Variants in LMLN observed in about 807,000 individuals in gnomAD.
LMLN encodes the protein leishmanolysin-like peptidase.
Under a neutral mutation model 92.3 loss-of-function variants are expected in LMLN, and 70 were observed. That is an observed-to-expected ratio of 0.76 (90% CI 0.63 to 0.92). The LOEUF is 0.92. Among genes scored for constraint, LMLN ranks in the 40% least tolerant of loss-of-function variants. LMLN has a pLI of 0.00. For synonymous variants in LMLN, 308 were observed against 296.2 expected, an observed-to-expected ratio of 1.04 and a Z score of -0.41; for missense variants, 691 against 814.6, an observed-to-expected ratio of 0.85 and a Z score of 1.85.
intron 1 of LMLN, among the ~76,000 whole-genome samples, chr3:197,972,645 A>G (rs1043005444): frequency 6.6e-6 from 1 of 151,552 alleles, no homozygotes; most frequent in African/African-American, 2.4e-5. Context: ...TTATTAAATA[A>G]TGGACACCAT....
intron 1 of LMLN, 83 bp from the exon 2 acceptor site, chr3:197,974,294 T>C (rs1721307801): frequency 1.4e-6 from 1 of 711,980 alleles, no homozygotes; most frequent in Admixed American, 3.0e-5. Flanking sequence ...ACACTTGAAA[T>C]TTAGTTCATT....
chr3:198,036,388 A>G (rs1723235878), intron 15 of LMLN, among the ~76,000 whole-genome samples: 1 of 152,230 alleles, frequency 6.6e-6, no homozygotes, highest in Non-Finnish European at 1.5e-5. Flanking sequence ...AAGTAATTAA[A>G]TATATTTTAG....
intron 1 of LMLN, among the ~76,000 whole-genome samples, chr3:197,973,366 C>G (rs1017134024): frequency 2.0e-5 from 3 of 152,054 alleles, no homozygotes; most frequent in African/African-American, 7.2e-5. Context: ...CTCACCCTCC[C>G]AAGTAGCTGG....
Position 197,965,416 on chromosome 3 carries a change from A to G in LMLN, c.219+4976A>G, listed in dbSNP as rs567558239. On this transcript the variant is annotated intron_variant, in intron 1 of 15. Coordinates refer to ENST00000330198, the Ensembl canonical transcript of LMLN. ...ATATTCTATAGTTTTTTTTTATTTT[A>G]TTGTTTTAGAGATGGGATCTCAGTA... Among the ~76,000 whole-genome samples the G allele has an allele frequency of 4.5e-4, 68 of 151,058 alleles. 1 individual carries two copies. The highest frequency in any genetic ancestry group is 8.6e-4 in the Admixed American group (13 of 15,140).
chr3:198,021,530 A>G, exon 13 of LMLN: 2 of 1,614,138 alleles, frequency 1.2e-6, no homozygotes, highest in Non-Finnish European at 1.7e-6. Context: ...CTGCCCTTTC[A>G]GTCAGGAATT....
chr3:197,963,274 G>A (rs148612754), intron 1 of LMLN, among the ~76,000 whole-genome samples: 2 of 150,584 alleles, frequency 1.3e-5, no homozygotes, highest in South Asian at 2.1e-4. Flanking sequence ...CAGAATCATA[G>A]CTCACAGCAG....
At chr3:198,006,642 G>A (rs530448673) in intron 11 of LMLN, among the ~76,000 whole-genome samples, 5 of 152,032 alleles carry the variant, frequency 3.3e-5, no homozygotes, top group East Asian at 1.9e-4. Context: ...TTTCCCTAAC[G>A]GCTAATGATG....
At chr3:197,997,894 T>A (rs1372120390) in intron 10 of LMLN, among the ~76,000 whole-genome samples, 5 of 152,246 alleles carry the variant, frequency 3.3e-5, no homozygotes, top group Non-Finnish European at 1.5e-5. Flanking sequence ...ATTTTGTGTT[T>A]TAGAAAATGT....
intron 1 of LMLN, among the ~76,000 whole-genome samples, chr3:197,965,801 C>G (rs1274017885): frequency 6.6e-6 from 1 of 152,078 alleles, no homozygotes; most frequent in Non-Finnish European, 1.5e-5. Flanking sequence ...GTAGTCCCAC[C>G]TACTTGGTGG....
intron 14 of LMLN, among the ~76,000 whole-genome samples, chr3:198,030,024 A>G (rs1334077091): frequency 1.3e-5 from 2 of 151,624 alleles, no homozygotes; most frequent in Non-Finnish European, 2.9e-5. Context: ...TTTTATTTTT[A>G]GTAGAGACAG....
At chr3:197,984,490 C>CTGT (rs1553818504) in intron 7 of LMLN, among the ~76,000 whole-genome samples, 2 of 151,982 alleles carry the variant, frequency 1.3e-5, no homozygotes, top group Non-Finnish European at 2.9e-5. Flanking sequence ...GCTGCTGCTG[C>CTGT]TGCTGTTTGT....
chr3:197,970,479 C>T (rs888595775), intron 1 of LMLN, among the ~76,000 whole-genome samples: 10 of 152,138 alleles, frequency 6.6e-5, no homozygotes, highest in Admixed American at 2.0e-4. Flanking sequence ...CTAGTAGAGT[C>T]ACTTAGGACC....
chr3:197,996,721 T>A (rs189584546), intron 10 of LMLN, among the ~76,000 whole-genome samples: 22 of 152,322 alleles, frequency 1.4e-4, no homozygotes, highest in Non-Finnish European at 2.5e-4. Flanking sequence ...TAAAAAGACA[T>A]CAGATTTTCA....
chr3:197,966,096 G>A (rs1015402657), intron 1 of LMLN, among the ~76,000 whole-genome samples: 4 of 152,162 alleles, frequency 2.6e-5, no homozygotes, highest in African/African-American at 7.2e-5. Flanking sequence ...AGGCTGGAGT[G>A]CAGTGACACA....
chr3:197,989,493 C>T (rs1240192179), intron 8 of LMLN, among the ~76,000 whole-genome samples: 1 of 152,118 alleles, frequency 6.6e-6, no homozygotes, highest in African/African-American at 2.4e-5. Context: ...ATTCTACTTT[C>T]CCACTAAATT....
intron 13 of LMLN, among the ~76,000 whole-genome samples, chr3:198,021,908 A>T (rs532974223): frequency 1.3e-5 from 2 of 152,366 alleles, no homozygotes; most frequent in South Asian, 4.1e-4. Context: ...TATTTTGGTC[A>T]TACCTTCTAG....
Position 197,976,584 on chromosome 3 carries a change from CA to C in LMLN, c.432-11del. On this transcript the variant is annotated splice_polypyrimidine_tract_variant and intron_variant, in intron 4 of 15. Transcript: ENST00000330198. ...TTTTTTGTATTTAAACTTTGATGTA[CA>C]AATGGACTGAAGACAATGTGCAACA... 1 of 1,447,362 alleles carries C rather than the reference CA, an allele frequency of 6.9e-7. No homozygotes were observed. Among genetic ancestry groups the C allele is most frequent in the Non-Finnish European group, 9.5e-7 (1 of 1,052,816 alleles). 89.7% of individuals were successfully genotyped at this position (1,447,362 alleles called of 1,614,324 possible). A position where few individuals can be genotyped will look rare whatever the true frequency, so the allele number is the denominator to read the frequency against.
chr3:198,042,656 T>C lies in LMLN; in HGVS notation c.*3989T>C, dbSNP rs538440202. On this transcript the variant is annotated 3_prime_UTR_variant, in exon 16 of 16. Coordinates refer to ENST00000330198, the Ensembl canonical transcript of LMLN. The surrounding 1 kb of genome is among the most constrained non-coding windows in gnomAD (Gnocchi z 4.2). ...TTTGGGGACAGTAGACTGGAGTCACTTTCTGACTCAAAAAGGGTCAAGTAC... is the reference window on the plus strand; with the variant it reads ...TTTGGGGACAGTAGACTGGAGTCACCTTCTGACTCAAAAAGGGTCAAGTAC... The C allele has an allele frequency of 1.4e-5, 2 of 144,066 alleles. No individual in the cohort carries two copies. The highest frequency in any genetic ancestry group is 5.2e-5 in the African/African-American group (2 of 38,580). 8.9% of individuals were successfully genotyped at this position (144,066 alleles called of 1,614,324 possible).
chr3:198,021,114 C>T (rs928531729), intron 12 of LMLN, among the ~76,000 whole-genome samples: 2 of 152,066 alleles, frequency 1.3e-5, no homozygotes, highest in African/African-American at 4.8e-5. Flanking sequence ...TAACTTTATG[C>T]ATTAGTTCTG....
Sources: allele counts gnomAD v4.1 joint callset (sites outside exome capture counted in the v4.1 genomes callset), GRCh38; gene constraint gnomAD v4.1.1; non-coding constraint Gnocchi (gnomAD v3.1); transcripts MANE v1.5; gene names NCBI Gene and HGNC (gene_info 2026-07-23, HGNC 2026-07-21).